NKAIN2: variants seen among roughly 807,000 people sequenced by gnomAD.
NKAIN2 encodes the protein sodium/potassium-transporting ATPase subunit beta-1-interacting protein 2.
Under a neutral mutation model 32.6 loss-of-function variants are expected in NKAIN2, and 14 were observed. That is an observed-to-expected ratio of 0.43 (90% CI 0.28 to 0.67). NKAIN2 has a LOEUF of 0.67. Among genes scored for constraint, NKAIN2 ranks in the 30% least tolerant of loss-of-function variants. NKAIN2 has a pLI of 0.17. For synonymous variants in NKAIN2, 80 were observed against 87.2 expected, an observed-to-expected ratio of 0.92 and a Z score of 0.46; for missense variants, 198 against 258.3, an observed-to-expected ratio of 0.77 and a Z score of 1.60.
chr6:124,221,491 G>A (rs369811936), intron 1 of NKAIN2, among the ~76,000 whole-genome samples: 2 of 151,882 alleles, frequency 1.3e-5, no homozygotes, highest in African/African-American at 2.4e-5. Flanking sequence ...CACCAGCGTG[G>A]CACATGTATA....
chr6:124,564,672 C>T (rs1341744786), intron 3 of NKAIN2, among the ~76,000 whole-genome samples: 8 of 152,184 alleles, frequency 5.3e-5, no homozygotes, highest in Non-Finnish European at 1.5e-5. Context: ...AGACCAAGAA[C>T]CCACCGGAGG....
chr6:123,994,057 A>G (rs1779517050), intron 1 of NKAIN2, among the ~76,000 whole-genome samples: 1 of 152,174 alleles, frequency 6.6e-6, no homozygotes, highest in Non-Finnish European at 1.5e-5. Context: ...CCCAGAGAGA[A>G]CTCAGATTAT....
intron 3 of NKAIN2, among the ~76,000 whole-genome samples, chr6:124,463,455 A>G (rs1165924995): frequency 1.3e-5 from 2 of 152,054 alleles, no homozygotes; most frequent in African/African-American, 4.8e-5. Context: ...CCTCTATTGT[A>G]TCACTCCCAC....
intron 3 of NKAIN2, among the ~76,000 whole-genome samples, chr6:124,563,725 G>A (rs1296528823): frequency 6.6e-6 from 1 of 152,112 alleles, no homozygotes; most frequent in Non-Finnish European, 1.5e-5. Flanking sequence ...TGGTGCGATT[G>A]CGATCTCAGC....
chr6:124,263,702 A>ATGTT (rs377493781), intron 1 of NKAIN2, among the ~76,000 whole-genome samples: 4 of 110,422 alleles, frequency 3.6e-5, no homozygotes, highest in South Asian at 2.5e-4. Flanking sequence ...GCTACTATAA[A>ATGTT]TGTTTGTTTG....
At chr6:124,366,524 C>T (rs1179300843) in intron 3 of NKAIN2, among the ~76,000 whole-genome samples, 1 of 151,888 alleles carries the variant, frequency 6.6e-6, no homozygotes, top group Non-Finnish European at 1.5e-5. Flanking sequence ...GTTATACTAC[C>T]AATATACACA....
intron 4 of NKAIN2, among the ~76,000 whole-genome samples, chr6:124,740,588 A>C (rs1404037844): frequency 6.6e-6 from 1 of 151,832 alleles, no homozygotes; most frequent in East Asian, 1.9e-4. Context: ...ATAAAATGAC[A>C]TTTGTGCCAG....
intron 4 of NKAIN2, among the ~76,000 whole-genome samples, chr6:124,770,831 G>A (rs955229372): frequency 2.0e-5 from 3 of 152,026 alleles, no homozygotes; most frequent in African/African-American, 7.2e-5. Flanking sequence ...CTGCCCTCAT[G>A]AGAGCTTTCT....
chr6:124,638,244 C>G (rs1056605371), intron 3 of NKAIN2, among the ~76,000 whole-genome samples: 6 of 152,132 alleles, frequency 3.9e-5, no homozygotes. Context: ...CTCTCTCTCA[C>G]CATATCCAAA....
At chr6:124,798,812 T>G (rs763160396) in intron 5 of NKAIN2, among the ~76,000 whole-genome samples, 1 of 152,104 alleles carries the variant, frequency 6.6e-6, no homozygotes, top group Non-Finnish European at 1.5e-5. Flanking sequence ...CCTTCCGACA[T>G]TCAAATACAG....
intron 3 of NKAIN2, among the ~76,000 whole-genome samples, chr6:124,380,251 A>G (rs770278261): frequency 2.6e-5 from 4 of 152,124 alleles, no homozygotes; most frequent in Non-Finnish European, 5.9e-5. Context: ...TTAAGAAGTA[A>G]CTATGCTATT....
intron 3 of NKAIN2, among the ~76,000 whole-genome samples, chr6:124,534,073 A>G (rs1036234199): frequency 1.3e-5 from 2 of 152,216 alleles, no homozygotes; most frequent in African/African-American, 4.8e-5. Flanking sequence ...AATCTGTCAC[A>G]TGACCCATTA....
At chr6:123,824,785 G>C (rs1021642429) in intron 1 of NKAIN2, among the ~76,000 whole-genome samples, 1 of 151,984 alleles carries the variant, frequency 6.6e-6, no homozygotes, top group African/African-American at 2.4e-5. Flanking sequence ...CAGTCAGCAA[G>C]GGAAGAGTTT....
intron 1 of NKAIN2, among the ~76,000 whole-genome samples, chr6:123,852,287 T>G (rs1411259781): frequency 6.6e-6 from 1 of 152,002 alleles, no homozygotes; most frequent in Non-Finnish European, 1.5e-5. Context: ...AAACTTCTTT[T>G]TTTTTGTGAT....
At chr6:124,270,772 T>C (rs989268439) in intron 1 of NKAIN2, among the ~76,000 whole-genome samples, 3 of 152,182 alleles carry the variant, frequency 2.0e-5, no homozygotes, top group Admixed American at 6.5e-5. Context: ...GTTAGCCACT[T>C]ATTGATGTTT....
chr6:123,923,269 A>C (rs536229724), intron 1 of NKAIN2, among the ~76,000 whole-genome samples: 4 of 152,306 alleles, frequency 2.6e-5, no homozygotes, highest in South Asian at 4.1e-4. Context: ...ATTAAAGCAG[A>C]TAATTCTGAC....
chr6:124,304,239 C>T (rs1360104272), intron 2 of NKAIN2, among the ~76,000 whole-genome samples: 3 of 152,084 alleles, frequency 2.0e-5, no homozygotes, highest in Admixed American at 2.0e-4. Flanking sequence ...CATCCATGCC[C>T]ATAGTGAGCT....
intron 1 of NKAIN2, among the ~76,000 whole-genome samples, chr6:124,278,650 C>CATTATATAT (rs1317788062): frequency 5.8e-5 from 4 of 68,986 alleles, no homozygotes; most frequent in African/African-American, 9.1e-5. Flanking sequence ...ATACATAGCT[C>CATTATATAT]ATATATATAT....
intron 1 of NKAIN2, among the ~76,000 whole-genome samples, chr6:124,013,820 A>C (rs936276363): frequency 3.9e-5 from 6 of 152,222 alleles, no homozygotes; most frequent in Admixed American, 2.6e-4. Context: ...GGTTAGAGAG[A>C]TGTGGCCTTT....
Sources: allele counts gnomAD v4.1 joint callset (sites outside exome capture counted in the v4.1 genomes callset), GRCh38; gene constraint gnomAD v4.1.1; transcripts MANE v1.5; gene names NCBI Gene and HGNC (gene_info 2026-07-23, HGNC 2026-07-21).